Variants in SLC28A1 observed in about 807,000 individuals in gnomAD.
SLC28A1 encodes the protein solute carrier family 28 member 1.
SLC28A1 carries 64 observed loss-of-function variants against 74.8 expected under a neutral mutation model. The observed-to-expected ratio is 0.86, with a 90% CI of 0.70 to 1.05. SLC28A1 has a LOEUF of 1.05. Ranked by LOEUF, SLC28A1 falls within the 50% of genes least tolerant of loss-of-function variation. The probability of loss-of-function intolerance (pLI) is 0.00; values close to 1 mark genes in which losing one functional copy is unlikely to be tolerated. For synonymous variants in SLC28A1, 359 were observed against 335.0 expected (o/e 1.07, Z -0.78); for missense variants, 828 against 822.8 (o/e 1.01, Z -0.08).
chr15:84,905,439 A>C, intron 7 of SLC28A1, 100 bp from the exon 8 acceptor site: 2 of 812,788 alleles, frequency 2.5e-6, no homozygotes, highest in Non-Finnish European at 4.3e-6. Flanking sequence ...CTCCAGCCCC[A>C]TCCTCTGGGC....
chr15:84,916,563 T>A (rs1169351256), intron 9 of SLC28A1, among the ~76,000 whole-genome samples: 2 of 152,118 alleles, frequency 1.3e-5, no homozygotes, highest in Non-Finnish European at 2.9e-5. Context: ...GTACTTCTTA[T>A]GAAAGAGCCC....
intron 11 of SLC28A1, 119 bp downstream of exon 11, chr15:84,921,188 G>A (rs942140909): frequency 6.3e-6 from 5 of 792,690 alleles, no homozygotes; most frequent in South Asian, 2.9e-5. Context: ...CCTTCTCCCA[G>A]GGTCATCAAA....
chr15:84,952,174 C>A, the SLC28A1 span, among the ~76,000 whole-genome samples: 5 of 152,318 alleles, frequency 3.3e-5, no homozygotes, highest in South Asian at 1.0e-3. Flanking sequence ...GCTCCCCTCC[C>A]ACCTGCCAAA....
At position 84,885,083 on chromosome 15, in the gene SLC28A1, C is replaced by T. The variant is rs993151990; in HGVS notation, c.-133+332C>T. Among the ~76,000 whole-genome samples, 6 of 152,150 alleles carry T rather than the reference C, an allele frequency of 3.9e-5. No homozygotes were observed. In the East Asian group the frequency reaches 9.7e-4, roughly 25 times the overall value. On this transcript the variant is annotated intron_variant, in intron 1 of 18. Transcript: ENST00000394573. ...AAGCAATTCTCCTGCCTCAGCCTCCCGAGTAGCTGGGACTACAGGCACCTG... is the reference window on the plus strand; with the variant it reads ...AAGCAATTCTCCTGCCTCAGCCTCCTGAGTAGCTGGGACTACAGGCACCTG...
At chr15:84,915,905 AT>A (rs1459518803) in intron 9 of SLC28A1, among the ~76,000 whole-genome samples, 1 of 151,836 alleles carries the variant, frequency 6.6e-6, no homozygotes, top group Non-Finnish European at 1.5e-5. Context: ...TCTGCAGTGA[AT>A]TGCATCCACC....
At chr15:84,956,196 A>G in the SLC28A1 span, among the ~76,000 whole-genome samples, 2 of 152,084 alleles carry the variant, frequency 1.3e-5, no homozygotes, top group South Asian at 2.1e-4. Flanking sequence ...TTTACTCCCC[A>G]TTACAGAAGA....
At chr15:84,953,913 G>A in the SLC28A1 span, among the ~76,000 whole-genome samples, 3 of 152,156 alleles carry the variant, frequency 2.0e-5, no homozygotes, top group African/African-American at 7.2e-5. Context: ...GGATGAGGGT[G>A]TAGCTGCAGG....
intron 7 of SLC28A1, among the ~76,000 whole-genome samples, chr15:84,904,673 T>G (rs1356782322): frequency 6.6e-6 from 1 of 152,184 alleles, no homozygotes; most frequent in African/African-American, 2.4e-5. Flanking sequence ...TCCATGGAAC[T>G]TGCCAGAAAT....
At chr15:84,923,315 A>G (rs1275054024) in intron 11 of SLC28A1, among the ~76,000 whole-genome samples, 1 of 151,534 alleles carries the variant, frequency 6.6e-6, no homozygotes, top group Non-Finnish European at 1.5e-5. Context: ...CTAAAATGAC[A>G]TTGCTTACCT....
chr15:84,935,210 C>T lies in SLC28A1; in HGVS notation c.1383+16C>T, dbSNP rs1163586885. ...CAGCTTCCAGGTGCGTTTCTGGCCA[C>T]CACACTCAGTCTGTAGAGAGGATGG... On this transcript the variant is annotated intron_variant, in intron 14 of 18. Coordinates refer to ENST00000394573, the MANE Select transcript of SLC28A1 (RefSeq NM_004213.5). The T allele has an allele frequency of 6.2e-7, 1 of 1,613,838 alleles. No individual in the cohort carries two copies. Among genetic ancestry groups the T allele is most frequent in the South Asian group, 1.1e-5 (1 of 91,062 alleles).
intron 8 of SLC28A1, among the ~76,000 whole-genome samples, chr15:84,906,575 TTCCTTCC>T (rs1567140800): frequency 5.1e-5 from 2 of 39,530 alleles, no homozygotes; most frequent in Non-Finnish European, 1.1e-4. Flanking sequence ...TCTTTCTTTC[TTCCTTCC>T]TTCCTTCCTT....
At chr15:84,964,685 G>T in the SLC28A1 span, among the ~76,000 whole-genome samples, 1 of 152,174 alleles carries the variant, frequency 6.6e-6, no homozygotes, top group African/African-American at 2.4e-5. Context: ...TTGACCCCTT[G>T]TGGTCACAAG....
intron 9 of SLC28A1, 26 bp from the exon 10 acceptor site, chr15:84,918,498 C>A (rs759185211): frequency 1.8e-5 from 28 of 1,596,578 alleles, no homozygotes; most frequent in Middle Eastern, 1.7e-4. Flanking sequence ...CTCTAACCTG[C>A]GGTCCTATGA....
chr15:84,935,998 A>T (rs1224618615), intron 15 of SLC28A1, among the ~76,000 whole-genome samples: 1 of 117,622 alleles, frequency 8.5e-6, no homozygotes, highest in Non-Finnish European at 1.6e-5. Flanking sequence ...TCTGTCGCCC[A>T]GGCTGGAGTG....
intron 6 of SLC28A1, among the ~76,000 whole-genome samples, chr15:84,903,226 G>A (rs1219303734): frequency 6.6e-6 from 1 of 152,212 alleles, no homozygotes; most frequent in Non-Finnish European, 1.5e-5. Flanking sequence ...CTGCTTATCA[G>A]CTAGGACCGG....
chr15:84,917,552 A>G (rs1969288181), intron 9 of SLC28A1, among the ~76,000 whole-genome samples: 1 of 151,380 alleles, frequency 6.6e-6, no homozygotes, highest in Non-Finnish European at 1.5e-5. Context: ...GGGACTATAG[A>G]CATGTGCCAT....
At chr15:84,904,349 G>T in intron 7 of SLC28A1, 111 bp downstream of exon 7, 1 of 1,497,282 alleles carries the variant, frequency 6.7e-7, no homozygotes, top group Admixed American at 1.7e-5. Context: ...GGAGAGCCCT[G>T]GAGGCTCAGG....
intron 15 of SLC28A1, among the ~76,000 whole-genome samples, chr15:84,942,215 A>G (rs1376262555): frequency 2.6e-5 from 4 of 152,200 alleles, no homozygotes; most frequent in Non-Finnish European, 5.9e-5. Flanking sequence ...CTGGCATGCA[A>G]TGTGAAATAA....
intron 9 of SLC28A1, 142 bp downstream of exon 9, chr15:84,908,937 A>G: frequency 1.4e-6 from 1 of 724,716 alleles, no homozygotes; most frequent in Non-Finnish European, 2.5e-6. Flanking sequence ...AAGTTAGTGA[A>G]CCTTAAGCCT....
Sources: allele counts gnomAD v4.1 joint callset (sites outside exome capture counted in the v4.1 genomes callset), GRCh38; gene constraint gnomAD v4.1.1; transcripts MANE v1.5; gene names NCBI Gene and HGNC (gene_info 2026-07-23, HGNC 2026-07-21).